LMO7: variants seen among roughly 807,000 people sequenced by gnomAD.
LMO7 encodes LIM domain only protein 7.
Under a neutral mutation model 206.5 loss-of-function variants are expected in LMO7, and 120 were observed. The observed-to-expected ratio is 0.58, with a 90% CI of 0.50 to 0.68. The LOEUF is 0.68. Ranked by LOEUF, LMO7 falls within the 30% of genes least tolerant of loss-of-function variation. LMO7 has a pLI of 0.00. For synonymous variants in LMO7, 706 were observed against 681.5 expected (o/e 1.04, Z -0.56); for missense variants, 1,959 against 1,957.9 (o/e 1.00, Z -0.01).
chr13:75,796,893 A>C, intron 6 of LMO7, 144 bp downstream of exon 6: 1 of 607,094 alleles, frequency 1.6e-6, no homozygotes, highest in Non-Finnish European at 2.9e-6. Context: ...AATTGGGCTG[A>C]GTAAAGAGGA....
At chr13:75,831,863 G>A (rs957377539) in intron 15 of LMO7, among the ~76,000 whole-genome samples, 4 of 152,124 alleles carry the variant, frequency 2.6e-5, no homozygotes, top group African/African-American at 4.8e-5. Context: ...TTTTGGTGGC[G>A]ACAAATCACA....
At chr13:75,745,486 CAAG>C (rs1201054493) in intron 3 of LMO7, among the ~76,000 whole-genome samples, 1 of 152,006 alleles carries the variant, frequency 6.6e-6, no homozygotes, top group Non-Finnish European at 1.5e-5. Context: ...TTAAAGAAAT[CAAG>C]AAGATGAGGG....
intron 11 of LMO7, among the ~76,000 whole-genome samples, chr13:75,814,449 AG>A (rs1323332669): frequency 6.6e-6 from 1 of 152,168 alleles, no homozygotes; most frequent in East Asian, 1.9e-4. Flanking sequence ...ACTATGAAAA[AG>A]GTATAGCTGA....
chr13:75,687,926 G>A lies in LMO7; in HGVS notation c.70-25256G>A, dbSNP rs531711832. Among the ~76,000 whole-genome samples, 3 of 152,276 alleles carry A rather than the reference G, an allele frequency of 2.0e-5. No individual in the cohort carries two copies. The East Asian group carries it at 5.8e-4, about 29-fold the overall frequency. On this transcript the variant is annotated intron_variant, in intron 1 of 30. Coordinates refer to ENST00000377534, the MANE Select transcript of LMO7 (RefSeq NM_001306080.2). ...CCACGTGTTGTAGGAGGGACCTGGT[G>A]GGAGGTAATTGAATCATGGGGGTGG...
At chr13:75,641,513 T>C (rs2036527051) in intron 1 of LMO7, among the ~76,000 whole-genome samples, 1 of 152,210 alleles carries the variant, frequency 6.6e-6, no homozygotes. Flanking sequence ...TCAAGAGAGT[T>C]CCTTCCAGAG....
rs181649541 is a variant in LMO7 at position 75,746,432 on chromosome 13, C to T, written c.211-14500C>T. Among the ~76,000 whole-genome samples, 97 of 152,302 alleles carry T rather than the reference C, an allele frequency of 6.4e-4. 1 individual carries two copies. The highest frequency in any genetic ancestry group is 2.3e-3 in the South Asian group (11 of 4,830). On this transcript the variant is annotated intron_variant, in intron 3 of 30. Transcript: ENST00000377534. ...AAAATGCTCTAAAGCAACAGATCAA[C>T]GGGCGTGTCCCCATGGAGAGTGTGG...
At chr13:75,761,707 T>G (rs1050540676) in intron 4 of LMO7, among the ~76,000 whole-genome samples, 4 of 152,148 alleles carry the variant, frequency 2.6e-5, no homozygotes, top group Non-Finnish European at 5.9e-5. Flanking sequence ...CTTATGATAT[T>G]TATTTATATT....
At chr13:75,715,226 C>T (rs1185776156) in intron 2 of LMO7, among the ~76,000 whole-genome samples, 1 of 152,140 alleles carries the variant, frequency 6.6e-6, no homozygotes, top group Non-Finnish European at 1.5e-5. Context: ...TTTCCAAAAG[C>T]TATACCCAGC....
chr13:75,772,941 C>G (rs947467357), intron 4 of LMO7, among the ~76,000 whole-genome samples: 1 of 152,008 alleles, frequency 6.6e-6, no homozygotes, highest in Admixed American at 6.6e-5. Context: ...AATGAGCCTT[C>G]AGGTCTTGCC....
At chr13:75,762,515 G>A (rs1314003935) in intron 4 of LMO7, among the ~76,000 whole-genome samples, 1 of 152,100 alleles carries the variant, frequency 6.6e-6, no homozygotes, top group East Asian at 1.9e-4. Flanking sequence ...TATTTGAGTA[G>A]GCTAAAGACT....
chr13:75,637,058 G>A (rs2035978409), intron 1 of LMO7, among the ~76,000 whole-genome samples: 1 of 152,178 alleles, frequency 6.6e-6, no homozygotes, highest in Non-Finnish European at 1.5e-5. Flanking sequence ...GTCTCTGCGG[G>A]GCACAGCCCA....
chr13:75,705,640 A>G (rs1326899495), intron 1 of LMO7, among the ~76,000 whole-genome samples: 1 of 152,228 alleles, frequency 6.6e-6, no homozygotes, highest in Non-Finnish European at 1.5e-5. Context: ...CACACCTTAA[A>G]TAACTTGCTA....
intron 4 of LMO7, among the ~76,000 whole-genome samples, chr13:75,779,542 G>T (rs2051003580): frequency 6.6e-6 from 1 of 152,158 alleles, no homozygotes; most frequent in Admixed American, 6.5e-5. Context: ...TTATTCATTT[G>T]AAGCCTGTCA....
intron 1 of LMO7, among the ~76,000 whole-genome samples, chr13:75,711,027 A>G (rs1056292807): frequency 4.6e-5 from 7 of 152,116 alleles, no homozygotes; most frequent in Admixed American, 6.5e-5. Flanking sequence ...GAATTTTGTC[A>G]AAGGCCTTTT....
intron 4 of LMO7, among the ~76,000 whole-genome samples, chr13:75,788,274 A>G (rs2052734522): frequency 6.6e-6 from 1 of 152,080 alleles, no homozygotes; most frequent in Non-Finnish European, 1.5e-5. Flanking sequence ...CCTGGCCAAC[A>G]TGGTGAAACC....
At chr13:75,716,414 GT>G (rs1324165405) in intron 2 of LMO7, among the ~76,000 whole-genome samples, 1 of 152,072 alleles carries the variant, frequency 6.6e-6, no homozygotes, top group Non-Finnish European at 1.5e-5. Flanking sequence ...CTTCATGTTA[GT>G]CATTTTAGTG....
intron 9 of LMO7, 137 bp from the exon 10 acceptor site, chr13:75,807,343 A>C: frequency 1.2e-6 from 1 of 819,046 alleles, no homozygotes. Context: ...GAGTCCCCAC[A>C]ATGGTCCTCT....
At position 75,636,344 on chromosome 13, in the gene LMO7, G is replaced by A. The variant is rs2035846560; in HGVS notation, c.-314G>A. ...TTTTGAAGTCCAAACTGTCGTCGGG[G>A]CTGGTGCCGCGCGCTGCCGCTGGGC... On this transcript the variant is annotated 5_prime_UTR_variant, in exon 1 of 31. Coordinates refer to ENST00000377534, the MANE Select transcript of LMO7 (RefSeq NM_001306080.2). 3 of 1,216,044 alleles carry A rather than the reference G, an allele frequency of 2.5e-6. No homozygotes were observed. In the South Asian group the frequency reaches 5.2e-5, roughly 21 times the overall value. 75.3% of individuals were successfully genotyped at this position (1,216,044 alleles called of 1,614,324 possible).
chr13:75,849,226 G>C lies in LMO7; in HGVS notation c.4298G>C (p.Ser1433Thr). Residue 1433 changes from serine to threonine, a missense_variant, in exon 27 of 31, where the codon AGC becomes ACC. Physicochemically the swap from Ser to Thr is moderately conservative, Grantham distance 58. Coordinates refer to ENST00000377534, the MANE Select transcript of LMO7 (RefSeq NM_001306080.2). ...RKRTPLHNDNSWIRQRSASVN... is the reference protein window; with the variant it reads ...RKRTPLHNDNTWIRQRSASVN... ...AGAACACCCCTTCACAATGACAACA[G>C]CTGGATCCGACAGCGCAGTGCCAGT... is the stretch of plus-strand genomic sequence containing the variant. The C allele has an allele frequency of 6.2e-7, 1 of 1,614,132 alleles. No homozygotes were observed. Among genetic ancestry groups the C allele is most frequent in the Non-Finnish European group, 8.5e-7 (1 of 1,179,988 alleles).
Sources: allele counts gnomAD v4.1 joint callset (sites outside exome capture counted in the v4.1 genomes callset), GRCh38; gene constraint gnomAD v4.1.1; transcripts MANE v1.5; gene names NCBI Gene and HGNC (gene_info 2026-07-23, HGNC 2026-07-21).